The following EPS8 variants were observed in gnomAD, a reference collection of about 807,000 sequenced individuals.
EPS8 encodes epidermal growth factor receptor kinase substrate 8.
In EPS8, 42 loss-of-function variants were observed where a neutral mutation model predicts 103.8. The ratio of observed to expected loss-of-function variants is 0.40; its 90% CI spans 0.32 to 0.52. The LOEUF (loss-of-function observed/expected upper bound fraction) is 0.52, where lower values mean the gene tolerates loss of function less well. Ranked by LOEUF, EPS8 falls within the 20% of genes least tolerant of loss-of-function variation. The pLI is 0.40. For missense variants in EPS8, 969 were observed against 1,005.1 expected, an observed-to-expected ratio of 0.96 and a Z score of 0.49; for synonymous variants, 344 against 344.6, an observed-to-expected ratio of 1.00 and a Z score of 0.02.
rs542716455 is a variant in EPS8 at position 15,760,540 on chromosome 12, C to A, written c.-22+28621G>T. 6.6e-6 allele frequency among the ~76,000 whole-genome samples: 1 copy of A among 151,972 alleles called. No homozygotes were observed. The highest frequency in any genetic ancestry group is 2.1e-4 in the South Asian group (1 of 4,820). On this transcript the variant is annotated intron_variant, in intron 1 of 20. Coordinates refer to ENST00000281172, the MANE Select transcript of EPS8 (RefSeq NM_004447.6). The surrounding 1 kb of genome is among the most constrained non-coding windows in gnomAD (Gnocchi z 4.5). ...CATATCTCCAATAAATATTGATGCA[C>A]AAATCCTCAAACAAATACCAGCAAA...
chr12:15,680,986 T>C (rs912265813), intron 3 of EPS8, among the ~76,000 whole-genome samples: 2 of 152,108 alleles, frequency 1.3e-5, no homozygotes, highest in East Asian at 1.9e-4. Context: ...GCACCATGCA[T>C]AGGACTTTTG....
At position 15,694,928 on chromosome 12, in the gene EPS8, C is replaced by G. The variant is rs1946223228; in HGVS notation, c.-21-11956G>C. 2.0e-5 allele frequency among the ~76,000 whole-genome samples: 3 copies of G among 152,156 alleles called. No homozygotes were observed. The South Asian group carries it at 6.2e-4, about 32-fold the overall frequency. On this transcript the variant is annotated intron_variant, in intron 1 of 20. Coordinates refer to ENST00000281172, the MANE Select transcript of EPS8 (RefSeq NM_004447.6). ...ATTTTTTCATAACCATGAAATCACCCACGAATGAGGTAAATTTAGACATAT... is the reference window on the plus strand; with the variant it reads ...ATTTTTTCATAACCATGAAATCACCGACGAATGAGGTAAATTTAGACATAT...
At chr12:15,766,591 T>C (rs1022631518) in intron 1 of EPS8, among the ~76,000 whole-genome samples, 4 of 151,608 alleles carry the variant, frequency 2.6e-5, no homozygotes, top group Admixed American at 6.6e-5. Flanking sequence ...GGCAGGAGAA[T>C]TGCCTGAACC....
chr12:15,639,117 T>G (rs11831840), intron 17 of EPS8, among the ~76,000 whole-genome samples: 9 of 152,272 alleles, frequency 5.9e-5, no homozygotes, highest in Admixed American at 5.9e-4. Context: ...TGCCTTTTGC[T>G]CACATATGGG....
chr12:15,666,391 C>T, intron 7 of EPS8, 49 bp downstream of exon 7: 1 of 1,398,700 alleles, frequency 7.1e-7, no homozygotes, highest in Non-Finnish European at 1.0e-6. Flanking sequence ...GGGAAAAAAG[C>T]CTTAGAAACA....
At chr12:15,786,148 T>G (rs1232316678) in intron 1 of EPS8, among the ~76,000 whole-genome samples, 1 of 152,072 alleles carries the variant, frequency 6.6e-6, no homozygotes, top group Non-Finnish European at 1.5e-5. Context: ...TGGAAAAATC[T>G]GATAAACACT....
chr12:15,740,323 G>C (rs573188591), intron 1 of EPS8, among the ~76,000 whole-genome samples: 2 of 152,192 alleles, frequency 1.3e-5, no homozygotes, highest in South Asian at 2.1e-4. Context: ...GAGGCTGGCA[G>C]ATCATGAGGT....
At position 15,623,278 on chromosome 12, in the gene EPS8, A is replaced by C. The variant is rs757813282; in HGVS notation, c.2235T>G (p.Asn745Lys). ...GTGCACCATTTAATACTCCAAGACT[A>C]TTGACAGTCCTAAAAAAAAAAAAAG... is the stretch of plus-strand genomic sequence containing the variant. ...QSKGFNPVTVNSLGVLNGAQL... is the reference protein window; with the variant it reads ...QSKGFNPVTVKSLGVLNGAQL... Residue 745 changes from asparagine to lysine, a missense_variant, in exon 20 of 21, where the codon AAT (asparagine) becomes AAG (lysine). Physicochemically the swap from Asn to Lys is moderately conservative, Grantham distance 94. Coordinates refer to ENST00000281172, the MANE Select transcript of EPS8 (RefSeq NM_004447.6). The C allele has an allele frequency of 1.3e-6, 2 of 1,584,072 alleles. No individual in the cohort carries two copies. Among genetic ancestry groups the C allele is most frequent in the Non-Finnish European group, 1.7e-6 (2 of 1,168,778 alleles).
At chr12:15,629,247 T>C (rs983286245) in intron 18 of EPS8, among the ~76,000 whole-genome samples, 2 of 152,222 alleles carry the variant, frequency 1.3e-5, no homozygotes, top group African/African-American at 2.4e-5. Context: ...TAGGTTATTC[T>C]TGGTTTCTCA....
At chr12:15,709,191 A>T (rs1358838961) in intron 1 of EPS8, among the ~76,000 whole-genome samples, 1 of 152,230 alleles carries the variant, frequency 6.6e-6, no homozygotes, top group Non-Finnish European at 1.5e-5. Context: ...CCTCTAACCC[A>T]TCATAGTAAG....
chr12:15,662,341 A>C, intron 8 of EPS8: 1 of 1,235,516 alleles, frequency 8.1e-7, no homozygotes, highest in Non-Finnish European at 1.0e-6. Context: ...TTTACCTTGT[A>C]ATATCACCCC....
At chr12:15,637,061 G>C (rs533177831) in intron 17 of EPS8, among the ~76,000 whole-genome samples, 1 of 152,092 alleles carries the variant, frequency 6.6e-6, no homozygotes, top group Non-Finnish European at 1.5e-5. Context: ...TCGCTCTGTC[G>C]CCAGGCTGGA....
At chr12:15,699,995 A>C (rs994614971) in intron 1 of EPS8, among the ~76,000 whole-genome samples, 2 of 152,162 alleles carry the variant, frequency 1.3e-5, no homozygotes, top group African/African-American at 2.4e-5. Context: ...CTCTACTAAA[A>C]ACACAAACAT....
chr12:15,693,181 T>C lies in EPS8; in HGVS notation c.-21-10209A>G, dbSNP rs1033159805. On this transcript the variant is annotated intron_variant, in intron 1 of 20. Coordinates refer to ENST00000281172, the MANE Select transcript of EPS8 (RefSeq NM_004447.6). This position sits in a 1 kb window ranked among gnomAD's most constrained non-coding sequence, Gnocchi z 5.6. Reference sequence around the variant, plus strand: ...CATCAGTGTCTATCGGTCTTTTGCATAGATCAGTCAGGTTCTCCAAGGAAG... The same window carrying C: ...CATCAGTGTCTATCGGTCTTTTGCACAGATCAGTCAGGTTCTCCAAGGAAG... Among the ~76,000 whole-genome samples the C allele has an allele frequency of 6.6e-6, 1 of 152,188 alleles. No homozygotes were observed. Among genetic ancestry groups the C allele is most frequent in the Non-Finnish European group, 1.5e-5 (1 of 68,030 alleles).
Position 15,706,701 on chromosome 12 carries a change from A to G in EPS8, c.-21-23729T>C, listed in dbSNP as rs1295585742. Among the ~76,000 whole-genome samples the G allele has an allele frequency of 6.6e-6, 1 of 152,220 alleles. No individual in the cohort carries two copies. Among genetic ancestry groups the G allele is most frequent in the African/African-American group, 2.4e-5 (1 of 41,464 alleles). ...TTTAGGTGAATATTACATTTTTAATATGAGACTAGAATTTTCTGTTCTTTA... is the reference window on the plus strand; with the variant it reads ...TTTAGGTGAATATTACATTTTTAATGTGAGACTAGAATTTTCTGTTCTTTA... On this transcript the variant is annotated intron_variant, in intron 1 of 20. Transcript: ENST00000281172. The surrounding 1 kb of genome is among the most constrained non-coding windows in gnomAD (Gnocchi z 5.2).
intron 1 of EPS8, among the ~76,000 whole-genome samples, chr12:15,741,864 T>C (rs1946827067): frequency 6.6e-6 from 1 of 152,052 alleles, no homozygotes; most frequent in Non-Finnish European, 1.5e-5. Flanking sequence ...CCTCGCCCCT[T>C]CCCCCAACCC....
chr12:15,692,366 G>A, intron 1 of EPS8, among the ~76,000 whole-genome samples: 1 of 128,406 alleles, frequency 7.8e-6, no homozygotes, highest in Non-Finnish European at 1.6e-5. Context: ...TGAAGCCCTT[G>A]TGGTTCTGTC....
In EPS8 at chr12:15,784,180, A is replaced by G. The variant is rs1384018801; in HGVS notation, c.-22+4981T>C. ...TAAAATTAAAGACATCTGTTCTGAC[A>G]AAGACACTGTTAGGAAAATAAAAAG... On this transcript the variant is annotated intron_variant, in intron 1 of 20. Coordinates refer to ENST00000281172, the MANE Select transcript of EPS8 (RefSeq NM_004447.6). The surrounding 1 kb of genome is among the most constrained non-coding windows in gnomAD (Gnocchi z 4.0). Among the ~76,000 whole-genome samples the G allele has an allele frequency of 6.6e-6, 1 of 152,212 alleles. No individual in the cohort carries two copies. The highest frequency in any genetic ancestry group is 2.4e-5 in the African/African-American group (1 of 41,470).
intron 9 of EPS8, among the ~76,000 whole-genome samples, chr12:15,661,648 A>G (rs1381014479): frequency 6.6e-6 from 1 of 152,202 alleles, no homozygotes; most frequent in Non-Finnish European, 1.5e-5. Context: ...TCTCTTAGGT[A>G]TTCTAAAATA....
Sources: allele counts gnomAD v4.1 joint callset (sites outside exome capture counted in the v4.1 genomes callset), GRCh38; gene constraint gnomAD v4.1.1; non-coding constraint Gnocchi (gnomAD v3.1); transcripts MANE v1.5; gene names NCBI Gene and HGNC (gene_info 2026-07-23, HGNC 2026-07-21).